TNIK: variants seen among roughly 807,000 people sequenced by gnomAD.
TNIK encodes TRAF2 and NCK interacting kinase, also known as TRAF2 and NCK-interacting protein kinase.
Under a neutral mutation model 191.3 loss-of-function variants are expected in TNIK, and 49 were observed. The observed-to-expected ratio is 0.26, with a 90% CI of 0.20 to 0.32. The LOEUF is 0.32. Among genes scored for constraint, TNIK ranks in the 10% least tolerant of loss-of-function variants. The probability of loss-of-function intolerance (pLI) is 1.00; values close to 1 mark genes in which losing one functional copy is unlikely to be tolerated. For synonymous variants in TNIK, 594 were observed against 600.9 expected (o/e 0.99, Z 0.17); for missense variants, 1,155 against 1,702.3 (o/e 0.68, Z 5.66).
intron 4 of TNIK, among the ~76,000 whole-genome samples, chr3:171,204,875 G>A (rs961637919): frequency 1.3e-5 from 2 of 152,168 alleles, no homozygotes; most frequent in Non-Finnish European, 2.9e-5. Flanking sequence ...CAGACAGCTT[G>A]GGGTTAGCTA....
chr3:171,223,080 C>T (rs550458241), intron 3 of TNIK, among the ~76,000 whole-genome samples: 4 of 152,284 alleles, frequency 2.6e-5, no homozygotes, highest in South Asian at 4.1e-4. Flanking sequence ...CATGACCTGG[C>T]CCCTCCTAAT....
At chr3:171,428,096 G>C (rs1724883947) in intron 1 of TNIK, among the ~76,000 whole-genome samples, 1 of 152,142 alleles carries the variant, frequency 6.6e-6, no homozygotes, top group East Asian at 1.9e-4. Context: ...GGGGACCCTG[G>C]TGGATTTTGT....
chr3:171,253,966 T>C (rs972739070), intron 2 of TNIK, among the ~76,000 whole-genome samples: 1 of 152,212 alleles, frequency 6.6e-6, no homozygotes, highest in Non-Finnish European at 1.5e-5. Context: ...AAGTGTGTCT[T>C]TCAGGATCCA....
chr3:171,445,600 T>C (rs1727397161), intron 1 of TNIK, among the ~76,000 whole-genome samples: 1 of 152,118 alleles, frequency 6.6e-6, no homozygotes, highest in Non-Finnish European at 1.5e-5. Flanking sequence ...AACTCTCTAC[T>C]ACCTACTGAG....
chr3:171,376,183 TAGG>T (rs1717188591), intron 1 of TNIK, among the ~76,000 whole-genome samples: 1 of 152,174 alleles, frequency 6.6e-6, no homozygotes. Flanking sequence ...ACAGGAACAG[TAGG>T]AGAACTCTCC....
intron 2 of TNIK, among the ~76,000 whole-genome samples, chr3:171,293,672 C>T (rs1326866616): frequency 1.3e-5 from 2 of 152,058 alleles, no homozygotes; most frequent in Admixed American, 6.5e-5. Flanking sequence ...TTTTTTTCCA[C>T]TCAATGTATT....
intron 15 of TNIK, among the ~76,000 whole-genome samples, chr3:171,130,534 C>T (rs1729102235): frequency 6.6e-6 from 1 of 152,148 alleles, no homozygotes; most frequent in African/African-American, 2.4e-5. Flanking sequence ...TTGGCTATTG[C>T]ATTGAGCAAA....
At chr3:171,401,176 ATTTAGGAGAGGTGAGGGATCACCC>A (rs1323315162) in intron 1 of TNIK, among the ~76,000 whole-genome samples, 2 of 152,158 alleles carry the variant, frequency 1.3e-5, no homozygotes, top group Non-Finnish European at 2.9e-5. Flanking sequence ...CTGAATTTTC[ATTTAGGAGAGGTGAGGGATCACCC>A]TTGAATGAAA....
At chr3:171,128,612 T>C in intron 16 of TNIK, 102 bp downstream of exon 16, 1 of 1,379,532 alleles carries the variant, frequency 7.2e-7, no homozygotes, top group South Asian at 1.8e-5. Context: ...GGTCATAATT[T>C]GATCCTGTGC....
At chr3:171,349,865 G>A (rs908934814) in intron 2 of TNIK, among the ~76,000 whole-genome samples, 5 of 152,128 alleles carry the variant, frequency 3.3e-5, no homozygotes, top group African/African-American at 1.2e-4. Flanking sequence ...AGTAGTATTC[G>A]AGGGCTTTTT....
intron 1 of TNIK, among the ~76,000 whole-genome samples, chr3:171,418,019 G>C (rs548157388): frequency 3.3e-5 from 5 of 152,052 alleles, no homozygotes; most frequent in African/African-American, 1.2e-4. Flanking sequence ...TGTGTGGTCT[G>C]GGTCCAGCCA....
intron 12 of TNIK, among the ~76,000 whole-genome samples, chr3:171,149,390 A>G (rs1426056577): frequency 6.6e-6 from 1 of 152,106 alleles, no homozygotes; most frequent in African/African-American, 2.4e-5. Context: ...CTACCTTCCT[A>G]TGTCTTAAAA....
Position 171,068,980 on chromosome 3 carries a change from C to A in TNIK, c.3567G>T (p.Gln1189His). 1.2e-6 allele frequency: 2 copies of A among 1,612,692 alleles called. No homozygotes were observed. Among genetic ancestry groups the A allele is most frequent in the South Asian group, 2.2e-5 (2 of 90,692 alleles). The change falls in exon 30 of 33, where the codon CAG (glutamine) becomes CAT (histidine). Residue 1189 changes from glutamine to histidine, a missense_variant. Gln to His is a conservative substitution (Grantham distance 24). Coordinates refer to ENST00000436636, the MANE Select transcript of TNIK (RefSeq NM_015028.4). ...FMAFKSFADL[Q>H]HKPLLVDLTV... ...TGAGATCAACTAGCAGAGGCTTGTGCTGGAGATCTGCAAAAGACTTTAAAA... is the reference window on the plus strand; with the variant it reads ...TGAGATCAACTAGCAGAGGCTTGTGATGGAGATCTGCAAAAGACTTTAAAA...
intron 1 of TNIK, among the ~76,000 whole-genome samples, chr3:171,422,008 G>A (rs1723865319): frequency 6.6e-6 from 1 of 152,056 alleles, no homozygotes; most frequent in African/African-American, 2.4e-5. Context: ...GAGATTACAG[G>A]TGTGACCTAC....
At chr3:171,311,923 A>G (rs1920107) in intron 2 of TNIK, among the ~76,000 whole-genome samples, 108,067 of 151,436 alleles carry the variant, frequency 0.71, 40,136 homozygotes, top group African/African-American at 0.93. Flanking sequence ...TTCCAGCAGC[A>G]AACATACACG....
At position 171,137,755 on chromosome 3, in the gene TNIK, T is replaced by C. The variant is rs78529178; in HGVS notation, c.1608+436A>G. Reference sequence around the variant, plus strand: ...GGTAGTATCACAGTGAACAAAGTTATGTTAGTGACAATGTTAATGATCAGC... The same window carrying C: ...GGTAGTATCACAGTGAACAAAGTTACGTTAGTGACAATGTTAATGATCAGC... On this transcript the variant is annotated intron_variant, in intron 15 of 32. Coordinates refer to ENST00000436636, the MANE Select transcript of TNIK (RefSeq NM_015028.4). Among the ~76,000 whole-genome samples, 830 of 152,334 alleles carry C rather than the reference T, an allele frequency of 5.4e-3. 9 individuals are homozygous for C. The highest frequency in any genetic ancestry group is 0.019 in the African/African-American group (801 of 41,582).
intron 1 of TNIK, among the ~76,000 whole-genome samples, chr3:171,394,920 A>C (rs1207473967): frequency 2.0e-5 from 3 of 152,168 alleles, no homozygotes; most frequent in Admixed American, 6.6e-5. Flanking sequence ...TGTGTGTTGC[A>C]GGGGGAGGAG....
intron 1 of TNIK, among the ~76,000 whole-genome samples, chr3:171,445,620 C>G (rs991661033): frequency 2.0e-5 from 3 of 152,158 alleles, no homozygotes; most frequent in South Asian, 4.1e-4. Context: ...GTAAGCCGCA[C>G]AGGTCCTTGC....
chr3:171,440,341 T>C (rs1312330232), intron 1 of TNIK, among the ~76,000 whole-genome samples: 2 of 152,120 alleles, frequency 1.3e-5, no homozygotes, highest in Non-Finnish European at 2.9e-5. Context: ...TTTCAAAATC[T>C]GATTGCAACC....
Sources: gnomAD v4.1 joint callset for allele counts (sites outside exome capture counted in the v4.1 genomes callset) on GRCh38, gnomAD v4.1.1 for gene constraint, MANE v1.5 for transcripts, NCBI Gene and HGNC (gene_info 2026-07-23, HGNC 2026-07-21) for gene names.